Variants in UIMC1 observed in about 807,000 individuals in gnomAD.
The protein encoded by UIMC1 is ubiquitin interaction motif containing 1.
A neutral mutation model predicts 84.9 loss-of-function variants in UIMC1; 42 were observed. The ratio of observed to expected loss-of-function variants is 0.49; its 90% confidence interval spans 0.39 to 0.64. UIMC1 has a LOEUF of 0.64. Ranked by LOEUF, UIMC1 falls within the 30% of genes least tolerant of loss-of-function variation. The pLI is 0.00. For missense variants in UIMC1, 825 were observed against 847.6 expected (o/e 0.97, Z 0.33); for synonymous variants, 281 against 293.0 (o/e 0.96, Z 0.42).
chr5:176,991,806 A>C (rs191756549), intron 1 of UIMC1, among the ~76,000 whole-genome samples: 1,634 of 151,930 alleles, frequency 0.011, 12 homozygotes, highest in South Asian at 0.025. Context: ...GTGGCAGGCA[A>C]CTGTAGTCCC....
At chr5:177,015,160 C>G (rs191506195) in intron 1 of UIMC1, among the ~76,000 whole-genome samples, 29 of 152,282 alleles carry the variant, frequency 1.9e-4, no homozygotes, top group Admixed American at 1.5e-3. Flanking sequence ...AAGCAATGTG[C>G]TAAGTAGTTT....
At chr5:176,937,408 T>C (rs1448480582) in intron 10 of UIMC1, among the ~76,000 whole-genome samples, 1 of 152,084 alleles carries the variant, frequency 6.6e-6, no homozygotes, top group African/African-American at 2.4e-5. Flanking sequence ...GACAGGAGAA[T>C]GGCATGAACC....
At chr5:176,957,692 A>G (rs1581528600) in intron 7 of UIMC1, among the ~76,000 whole-genome samples, 2 of 152,214 alleles carry the variant, frequency 1.3e-5, no homozygotes, top group South Asian at 4.1e-4. Context: ...TAAAATAAGC[A>G]TAAGCAGAGT....
intron 10 of UIMC1, among the ~76,000 whole-genome samples, chr5:176,933,227 C>A (rs1240203438): frequency 6.6e-6 from 1 of 152,038 alleles, no homozygotes; most frequent in Non-Finnish European, 1.5e-5. Context: ...TACTGAGATC[C>A]CAACAGACAC....
intron 10 of UIMC1, among the ~76,000 whole-genome samples, chr5:176,921,443 T>C (rs912067546): frequency 6.6e-6 from 1 of 152,234 alleles, no homozygotes; most frequent in African/African-American, 2.4e-5. Context: ...GCTCAACATC[T>C]TCATTTGGTT....
At chr5:176,906,170 G>A in intron 13 of UIMC1, 123 bp from the exon 14 acceptor site, 1 of 869,132 alleles carries the variant, frequency 1.2e-6, no homozygotes, top group East Asian at 2.6e-5. Flanking sequence ...AGGTAGCACA[G>A]ATCCCCAATC....
upstream of UIMC1, among the ~76,000 whole-genome samples, chr5:177,007,649 T>G (rs1775416291): frequency 6.6e-6 from 1 of 152,122 alleles, no homozygotes; most frequent in African/African-American, 2.4e-5. Flanking sequence ...ATAGGTAAAT[T>G]AGAACAGTAT....
intron 2 of UIMC1, among the ~76,000 whole-genome samples, chr5:176,978,843 G>C (rs1402151983): frequency 1.3e-5 from 2 of 152,064 alleles, no homozygotes; most frequent in Non-Finnish European, 2.9e-5. Context: ...AGCAATTAAA[G>C]GATAGTTCCT....
intron 1 of UIMC1, among the ~76,000 whole-genome samples, chr5:176,992,136 G>A (rs567936725): frequency 5.3e-4 from 81 of 152,168 alleles, no homozygotes; most frequent in African/African-American, 1.8e-3. Context: ...AGAAGAGATA[G>A]ATTAATACTT....
At chr5:177,014,753 G>C (rs1421936984) in intron 1 of UIMC1, among the ~76,000 whole-genome samples, 2 of 151,992 alleles carry the variant, frequency 1.3e-5, no homozygotes, top group Admixed American at 1.3e-4. Flanking sequence ...AAGGCAAAGG[G>C]GTGTGAAAGG....
At chr5:176,987,972 G>A (rs554815302) in intron 1 of UIMC1, among the ~76,000 whole-genome samples, 9 of 151,718 alleles carry the variant, frequency 5.9e-5, no homozygotes, top group East Asian at 1.9e-4. Flanking sequence ...CAAAAAATAC[G>A]AAATGTAGCC....
At chr5:176,951,619 G>A in intron 8 of UIMC1, 42 bp from the exon 9 acceptor site, 1 of 1,456,626 alleles carries the variant, frequency 6.9e-7, no homozygotes, top group Non-Finnish European at 9.2e-7. Context: ...TTTTCATTTT[G>A]TGTTTTCATA....
chr5:176,955,983 C>G lies in UIMC1; in HGVS notation c.1315G>C (p.Ala439Pro). The change falls in exon 8 of 15, where the codon GCA (alanine) becomes CCA (proline). Residue 439 changes from alanine to proline, a missense_variant. Coordinates refer to ENST00000511320, the MANE Select transcript of UIMC1 (RefSeq NM_001199298.2). ...CCAGGACAAACAGTGATTTCTTCTGCAGAACTCTCTGGCATAAGGACTAAG... is the reference window on the plus strand; with the variant it reads ...CCAGGACAAACAGTGATTTCTTCTGGAGAACTCTCTGGCATAAGGACTAAG... The part of the protein sequence containing the change: ...RSLVLMPESS[A>P]EEITVCPETQ... The G allele has an allele frequency of 6.2e-7, 1 of 1,613,606 alleles. No homozygotes were observed. Among genetic ancestry groups the G allele is most frequent in the Non-Finnish European group, 8.5e-7 (1 of 1,179,722 alleles).
In UIMC1 at chr5:176,905,875, G is replaced by C. The variant is rs541958703; in HGVS notation, c.1949+136C>G. On this transcript the variant is annotated intron_variant, in intron 14 of 14. Transcript: ENST00000511320. ...TAAATGGGGAGCACAGAGTCATACT[G>C]AGAGAGAGGTCATAATAGTTCCACA... 1.1e-4 allele frequency: 97 copies of C among 892,304 alleles called. No homozygotes were observed. The African/African-American group carries it at 1.5e-3, about 14-fold the overall frequency. The allele number at this position is 892,304 out of a possible 1,614,324, so 55.3% of individuals were successfully genotyped here. A position where few individuals can be genotyped will look rare whatever the true frequency, so the allele number is the denominator to read the frequency against.
At chr5:176,992,381 T>C (rs974278363) in intron 1 of UIMC1, among the ~76,000 whole-genome samples, 1 of 151,876 alleles carries the variant, frequency 6.6e-6, no homozygotes, top group Admixed American at 6.6e-5. Flanking sequence ...TCCCAGCACT[T>C]TGGGGAGCCA....
intron 10 of UIMC1, among the ~76,000 whole-genome samples, chr5:176,924,042 G>C (rs1436120594): frequency 6.6e-6 from 1 of 151,968 alleles, no homozygotes; most frequent in African/African-American, 2.4e-5. Flanking sequence ...ATCTGGCCGG[G>C]CACGGTGGCT....
chr5:176,959,806 C>T lies in UIMC1; in HGVS notation c.1201-1652G>A, dbSNP rs181497616. Among the ~76,000 whole-genome samples the T allele has an allele frequency of 2.6e-5, 4 of 151,590 alleles. No individual in the cohort carries two copies. The East Asian group carries it at 7.8e-4, about 30-fold the overall frequency. ...CAGCACTTTGGGAGGCCAAGGTGGG[C>T]GGATCACCTGAGGTCGGGAGTTCAA... is the stretch of plus-strand genomic sequence containing the variant. On this transcript the variant is annotated intron_variant, in intron 6 of 14. Transcript: ENST00000511320.
intron 2 of UIMC1, among the ~76,000 whole-genome samples, chr5:176,978,923 A>C (rs1394716081): frequency 6.6e-6 from 1 of 152,230 alleles, no homozygotes; most frequent in Admixed American, 6.5e-5. Flanking sequence ...TATTGCTAGT[A>C]TCAATCAACA....
At chr5:176,931,223 G>C (rs1179170703) in intron 10 of UIMC1, among the ~76,000 whole-genome samples, 1 of 152,146 alleles carries the variant, frequency 6.6e-6, no homozygotes, top group Non-Finnish European at 1.5e-5. Context: ...GGAGATCACT[G>C]ATCTAGTATT....
Sources: gnomAD v4.1 joint callset for allele counts (sites outside exome capture counted in the v4.1 genomes callset) on GRCh38, gnomAD v4.1.1 for gene constraint, MANE v1.5 for transcripts, NCBI Gene and HGNC (gene_info 2026-07-23, HGNC 2026-07-21) for gene names.